Variants in WDR17 observed in about 807,000 individuals in gnomAD.
The protein encoded by WDR17 is WD repeat domain 17, also known as WD repeat-containing protein 17.
In WDR17, 143 loss-of-function variants were observed where a neutral mutation model predicts 161.7. The ratio of observed to expected loss-of-function variants is 0.88; its 90% CI spans 0.77 to 1.02. WDR17 has a LOEUF of 1.02. WDR17 is among the 50% of genes least tolerant of loss of function. The pLI is 0.00. For missense variants in WDR17, 1,469 were observed against 1,520.9 expected, an observed-to-expected ratio of 0.97 and a Z score of 0.57; for synonymous variants, 517 against 515.6, an observed-to-expected ratio of 1.00 and a Z score of -0.04.
chr4:176,140,345 T>C (rs1309266452), intron 10 of WDR17, among the ~76,000 whole-genome samples: 1 of 152,074 alleles, frequency 6.6e-6, no homozygotes, highest in Non-Finnish European at 1.5e-5. Flanking sequence ...TCAGCATATA[T>C]TAAGTGCCGT....
chr4:176,119,833 T>A, intron 3 of WDR17, 34 bp from the exon 4 acceptor site: 1 of 1,566,844 alleles, frequency 6.4e-7, no homozygotes, highest in African/African-American at 1.4e-5. Flanking sequence ...TTATGCTGTA[T>A]CTTTATTATG....
chr4:176,125,360 G>C lies in WDR17; in HGVS notation c.790+5G>C, dbSNP rs774938368. The C allele has an allele frequency of 6.2e-7, 1 of 1,613,356 alleles. No individual in the cohort carries two copies. The highest frequency in any genetic ancestry group is 1.1e-5 in the South Asian group (1 of 90,986). On this transcript the variant is annotated splice_donor_5th_base_variant and intron_variant, in intron 5 of 28. Coordinates refer to ENST00000508596, the MANE Select transcript of WDR17 (RefSeq NM_181265.4). ...CTGGGATGTTTATAACTGGAGGTAA[G>C]CTAATCCCCATAACCCAGAGTTTTA... is the stretch of plus-strand genomic sequence containing the variant.
chr4:176,096,382 T>C, intron 1 of WDR17: 1 of 553,216 alleles, frequency 1.8e-6, no homozygotes, highest in Non-Finnish European at 3.2e-6. Flanking sequence ...TGTGCAGTTC[T>C]AGCCTTTTGT....
chr4:176,140,620 A>G (rs1424944162), intron 10 of WDR17, among the ~76,000 whole-genome samples: 3 of 152,176 alleles, frequency 2.0e-5, no homozygotes, highest in East Asian at 1.9e-4. Flanking sequence ...GTCTATGGGT[A>G]TAGCCATCTT....
At chr4:176,179,354 T>C in intron 28 of WDR17, 106 bp from the exon 29 acceptor site, 1 of 1,231,404 alleles carries the variant, frequency 8.1e-7, no homozygotes, top group African/African-American at 1.6e-5. Context: ...TAGCTTTGCC[T>C]AAATATTATG....
chr4:176,133,171 A>ATTTTTTTTTTT (rs1743766210), intron 7 of WDR17, among the ~76,000 whole-genome samples: 1 of 131,354 alleles, frequency 7.6e-6, no homozygotes, highest in African/African-American at 3.1e-5. Flanking sequence ...AAAAAAAACA[A>ATTTTTTTTTTT]TTTTTTATTT....
chr4:176,114,754 G>A (rs980322307), intron 2 of WDR17, among the ~76,000 whole-genome samples: 7 of 151,802 alleles, frequency 4.6e-5, no homozygotes, highest in African/African-American at 1.7e-4. Context: ...GTTCTGGGGC[G>A]AGTTATGAAT....
At chr4:176,072,745 C>T (rs979536212) in intron 1 of WDR17, among the ~76,000 whole-genome samples, 1 of 152,264 alleles carries the variant, frequency 6.6e-6, no homozygotes, top group East Asian at 1.9e-4. Context: ...ACTTTAAACA[C>T]TGACATTTCA....
chr4:176,079,617 C>T (rs1036737911), intron 1 of WDR17, among the ~76,000 whole-genome samples: 20 of 152,112 alleles, frequency 1.3e-4, no homozygotes, highest in Admixed American at 1.2e-3. Context: ...AAGGAAACAT[C>T]AGTTATTCTT....
At chr4:176,080,458 A>G (rs1561071400) in intron 1 of WDR17, among the ~76,000 whole-genome samples, 1 of 152,038 alleles carries the variant, frequency 6.6e-6, no homozygotes, top group Non-Finnish European at 1.5e-5. Context: ...TAAAAAAACA[A>G]TGGGGAGAAG....
intron 7 of WDR17, among the ~76,000 whole-genome samples, chr4:176,133,259 A>C (rs1281992745): frequency 9.4e-5 from 3 of 31,860 alleles, no homozygotes; most frequent in East Asian, 1.4e-3. Context: ...TCCTCTCTCT[A>C]AAAAAAAAAA....
intron 9 of WDR17, among the ~76,000 whole-genome samples, chr4:176,138,721 A>C (rs1173277970): frequency 4.0e-5 from 6 of 151,812 alleles, no homozygotes; most frequent in Admixed American, 3.9e-4. Context: ...GCAACTTGGA[A>C]TCTCACATAT....
chr4:176,094,203 T>C (rs1329569409), intron 1 of WDR17, among the ~76,000 whole-genome samples: 3 of 152,210 alleles, frequency 2.0e-5, no homozygotes, highest in African/African-American at 7.2e-5. Context: ...TTTCCTTAGA[T>C]CTTTTCCAAG....
intron 1 of WDR17, among the ~76,000 whole-genome samples, chr4:176,096,128 T>C (rs1044936119): frequency 6.6e-6 from 1 of 152,090 alleles, no homozygotes; most frequent in Admixed American, 6.6e-5. Context: ...AAAATGTAAA[T>C]CATTTTCTGC....
At chr4:176,171,419 C>T (rs1416068169) in intron 23 of WDR17, among the ~76,000 whole-genome samples, 2 of 152,048 alleles carry the variant, frequency 1.3e-5, no homozygotes, top group Non-Finnish European at 1.5e-5. Context: ...AAATAACTGG[C>T]ATTTCATGAA....
At chr4:176,167,644 CAA>C (rs34187946) in intron 22 of WDR17, among the ~76,000 whole-genome samples, 7 of 23,834 alleles carry the variant, frequency 2.9e-4, no homozygotes, top group African/African-American at 1.1e-3. Context: ...GACTCCGTCT[CAA>C]AAAAAAAAAA....
At chr4:176,159,904 C>A in intron 18 of WDR17, 90 bp from the exon 19 acceptor site, 1 of 1,287,722 alleles carries the variant, frequency 7.8e-7, no homozygotes, top group Non-Finnish European at 1.0e-6. Flanking sequence ...AAATCTGCTA[C>A]AAATTTTAGC....
In WDR17 at chr4:176,163,149, G is replaced by A; in HGVS notation, c.2851-5G>A. The A allele has an allele frequency of 6.2e-7, 1 of 1,614,034 alleles. No individual in the cohort carries two copies. The highest frequency in any genetic ancestry group is 8.5e-7 in the Non-Finnish European group (1 of 1,179,966). Reference sequence around the variant, plus strand: ...ACTGAAGAAATTATTTTCTTATTGAGCAAGCTTGCTATGGCATACCTGATT... The same window carrying A: ...ACTGAAGAAATTATTTTCTTATTGAACAAGCTTGCTATGGCATACCTGATT... On this transcript the variant is annotated splice_polypyrimidine_tract_variant and splice_region_variant and intron_variant, in intron 21 of 28. Transcript: ENST00000508596.
At chr4:176,122,141 G>A (rs1038418490) in intron 4 of WDR17, among the ~76,000 whole-genome samples, 1 of 152,168 alleles carries the variant, frequency 6.6e-6, no homozygotes, top group Non-Finnish European at 1.5e-5. Flanking sequence ...TCTGTTCCAG[G>A]CCTGTCTCCT....
Sources: allele counts gnomAD v4.1 joint callset (sites outside exome capture counted in the v4.1 genomes callset), GRCh38; gene constraint gnomAD v4.1.1; transcripts MANE v1.5; gene names NCBI Gene and HGNC (gene_info 2026-07-23, HGNC 2026-07-21).